Variants in CBLC observed in about 807,000 individuals in gnomAD.
CBLC encodes the protein E3 ubiquitin-protein ligase CBL-C.
CBLC carries 46 observed loss-of-function variants against 58.6 expected under a neutral mutation model. The ratio of observed to expected loss-of-function variants is 0.79; its 90% CI spans 0.62 to 1.00. The LOEUF is 1.00. Among genes scored for constraint, CBLC ranks in the 50% least tolerant of loss-of-function variants. The pLI is 0.00. For synonymous variants in CBLC, 271 were observed against 264.2 expected (o/e 1.03, Z -0.25); for missense variants, 655 against 625.8 (o/e 1.05, Z -0.50).
At chr19:44,793,297 C>T (rs1016046166) in intron 7 of CBLC, among the ~76,000 whole-genome samples, 177 bp from the exon 8 acceptor site, 4 of 152,166 alleles carry the variant, frequency 2.6e-5, no homozygotes, top group African/African-American at 9.7e-5. Flanking sequence ...CTCTCACCTT[C>T]CCTCCCAGCA....
At chr19:44,779,020 C>G (rs572055151) in intron 1 of CBLC, among the ~76,000 whole-genome samples, 4 of 152,358 alleles carry the variant, frequency 2.6e-5, no homozygotes, top group African/African-American at 9.6e-5. Context: ...TTTCCTTGGT[C>G]ACCCAGCAGC....
In CBLC at chr19:44,781,499, GGACT is replaced by G. The variant is rs941980080; in HGVS notation, c.657+137_657+140del. On this transcript the variant is annotated intron_variant, in intron 3 of 10. Coordinates refer to ENST00000647358, the MANE Select transcript of CBLC (RefSeq NM_012116.4). ...TCTGAGGGAGGAGGGGCCGGGGCCT[GGACT>G]CCTGGGTCTGAGGGAGGAGGGGGCT... 308 of 855,352 alleles carry G rather than the reference GGACT, an allele frequency of 3.6e-4. 1 individual carries two copies. The highest frequency in any genetic ancestry group is 5.1e-4 in the Non-Finnish European group (290 of 564,082). The allele number at this position is 855,352 out of a possible 1,614,324, so 53.0% of individuals were successfully genotyped here. A position where few individuals can be genotyped will look rare whatever the true frequency, so the allele number is the denominator to read the frequency against.
At chr19:44,780,455 G>A (rs950114294) in intron 1 of CBLC, among the ~76,000 whole-genome samples, 9 of 143,830 alleles carry the variant, frequency 6.3e-5, no homozygotes, top group Admixed American at 1.4e-4. Context: ...TAAAAGCCAT[G>A]TATATCGTTT....
rs767195128 is a variant in CBLC at position 44,778,005 on chromosome 19, T to C, written c.74T>C (p.Leu25Pro). The C allele has an allele frequency of 1.2e-6, 2 of 1,609,088 alleles. No homozygotes were observed. Among genetic ancestry groups the C allele is most frequent in the South Asian group, 2.2e-5 (2 of 91,038 alleles). Reference sequence around the variant, plus strand: ...GCCCTGGGCCGGGCAGTCAGGATGCTGCAGCGCCTAGAAGAGCAATGCGTC... The same window carrying C: ...GCCCTGGGCCGGGCAGTCAGGATGCCGCAGCGCCTAGAAGAGCAATGCGTC... ...ARALGRAVRM[L>P]QRLEEQCVDP... Residue 25 changes from leucine to proline, a missense_variant, in exon 1 of 11, where the codon CTG becomes CCG. Around this residue, in one of 3 missense-constraint regions of CBLC, gnomAD observed 280 missense variants for 237.2 expected, o/e 1.18. Coordinates refer to ENST00000647358, the MANE Select transcript of CBLC (RefSeq NM_012116.4).
At chr19:44,796,643 C>A (rs2122509483) in intron 9 of CBLC, among the ~76,000 whole-genome samples, 1 of 152,162 alleles carries the variant, frequency 6.6e-6, no homozygotes, top group East Asian at 1.9e-4. Flanking sequence ...CCTCGGCCTC[C>A]CAAAGTGCTG....
At position 44,794,283 on chromosome 19, in the gene CBLC, T is replaced by C. The variant is rs757152687; in HGVS notation, c.1362+2T>C. On this transcript the variant is annotated splice_donor_variant, in intron 9 of 10. Transcript: ENST00000647358. LOFTEE classifies it high-confidence loss of function. ...CCCAGAAATGCCCAGCCGAAAGTGG[T>C]GAGTCAGGCGCTGGTCTGAGGTTGG... 2.5e-6 allele frequency: 4 copies of C among 1,612,446 alleles called. No individual in the cohort carries two copies. Among genetic ancestry groups the C allele is most frequent in the Non-Finnish European group, 3.4e-6 (4 of 1,179,428 alleles).
rs1568554186 is a variant in CBLC, at chr19:44,778,247, G to A, written c.316G>A (p.Ala106Thr). ...ALLPPRGRRS[A>T]NDELFRAGSR... ...GCTGCCTCCCCGGGGCCGAAGGAGTGCCAACGACGAGCTCTTCCGGGCGGG... is the reference window on the plus strand; with the variant it reads ...GCTGCCTCCCCGGGGCCGAAGGAGTACCAACGACGAGCTCTTCCGGGCGGG... The change falls in exon 1 of 11, where the codon GCC (alanine) becomes ACC (threonine). Residue 106 changes from alanine to threonine, a missense_variant. Transcript: ENST00000647358. 2.8e-6 allele frequency: 4 copies of A among 1,451,706 alleles called. No homozygotes were observed. The highest frequency in any genetic ancestry group is 2.7e-6 in the Non-Finnish European group (3 of 1,103,948). 89.9% of individuals were successfully genotyped at this position (1,451,706 alleles called of 1,614,324 possible).
intron 3 of CBLC, among the ~76,000 whole-genome samples, chr19:44,781,580 T>C (rs1192912277): frequency 1.2e-5 from 1 of 81,784 alleles, no homozygotes; most frequent in African/African-American, 5.1e-5. Flanking sequence ...CCTGGACTCC[T>C]GGGTCTGAGG....
chr19:44,794,745 G>A (rs1156542167), intron 9 of CBLC, among the ~76,000 whole-genome samples: 1 of 151,952 alleles, frequency 6.6e-6, no homozygotes, highest in Admixed American at 6.6e-5. Flanking sequence ...TTACAGGAGT[G>A]AGCCACTGCG....
intron 9 of CBLC, among the ~76,000 whole-genome samples, chr19:44,794,747 G>A (rs186721844): frequency 8.7e-4 from 132 of 152,076 alleles, no homozygotes; most frequent in African/African-American, 2.8e-3. Context: ...ACAGGAGTGA[G>A]CCACTGCGCC....
At position 44,792,471 on chromosome 19, in the gene CBLC, C is replaced by A; in HGVS notation, c.1094C>A (p.Pro365Gln). The stretch of plus-strand genomic sequence containing the variant: ...AGCAACAAGGATGTGAAGATTGAGC[C>A]GTGCGGGCACCTGCTCTGCAGCTGC... ...AESNKDVKIE[P>Q]CGHLLCSCCL... The change falls in exon 7 of 11, where the codon CCG (proline) becomes CAG (glutamine). Residue 365 changes from proline to glutamine, a missense_variant. Coordinates refer to ENST00000647358, the MANE Select transcript of CBLC (RefSeq NM_012116.4). 6.2e-7 allele frequency: 1 copy of A among 1,611,320 alleles called. No homozygotes were observed. Among genetic ancestry groups the A allele is most frequent in the African/African-American group, 1.3e-5 (1 of 74,940 alleles).
intron 6 of CBLC, among the ~76,000 whole-genome samples, chr19:44,791,409 A>G (rs1412539171): frequency 6.6e-6 from 1 of 152,052 alleles, no homozygotes; most frequent in Non-Finnish European, 1.5e-5. Flanking sequence ...CTGGGTGTAG[A>G]CAACTGGGGA....
chr19:44,782,629 G>A (rs1967781066), intron 4 of CBLC, 138 bp downstream of exon 4: 4 of 672,304 alleles, frequency 5.9e-6, no homozygotes, highest in Admixed American at 2.8e-5. Flanking sequence ...TGATAACTCA[G>A]AGGCAGGACA....
intron 7 of CBLC, 110 bp downstream of exon 7, chr19:44,792,624 A>T: frequency 8.5e-7 from 1 of 1,177,458 alleles, no homozygotes; most frequent in Non-Finnish European, 1.1e-6. Context: ...CGAAGGCCAG[A>T]GAGGGCAAAG....
intron 1 of CBLC, among the ~76,000 whole-genome samples, chr19:44,779,881 A>G (rs1241366444): frequency 6.6e-6 from 1 of 152,028 alleles, no homozygotes; most frequent in Non-Finnish European, 1.5e-5. Flanking sequence ...TCCTGAGAGG[A>G]CATGCAGAGG....
At chr19:44,796,542 G>A (rs1304280085) in intron 9 of CBLC, among the ~76,000 whole-genome samples, 4 of 151,950 alleles carry the variant, frequency 2.6e-5, no homozygotes, top group Non-Finnish European at 4.4e-5. Context: ...GTGCCACCAC[G>A]CCTGGCAAAT....
At chr19:44,793,221 G>A (rs1968098172) in intron 7 of CBLC, among the ~76,000 whole-genome samples, 1 of 152,170 alleles carries the variant, frequency 6.6e-6, no homozygotes, top group Admixed American at 6.5e-5. Context: ...GGAAGCTGTG[G>A]CCACAGCTCC....
At chr19:44,791,007 G>C (rs193053237) in intron 6 of CBLC, among the ~76,000 whole-genome samples, 236 of 152,038 alleles carry the variant, frequency 1.6e-3, no homozygotes, top group Admixed American at 3.7e-3. Flanking sequence ...TGAGGCACTT[G>C]AGTTGGGAGG....
chr19:44,799,791 AAAG>A lies in CBLC; in HGVS notation c.1363-587_1363-585del, dbSNP rs200549252. Among the ~76,000 whole-genome samples the A allele has an allele frequency of 4.3e-3, 648 of 150,104 alleles. 7 individuals are homozygous for A. Among genetic ancestry groups the A allele is most frequent in the African/African-American group, 0.015 (603 of 39,970 alleles). On this transcript the variant is annotated intron_variant, in intron 9 of 10. Coordinates refer to ENST00000647358, the MANE Select transcript of CBLC (RefSeq NM_012116.4). ...AGAAAGGGAGGGAGGGAAAGAGAAA[AAAG>A]AAAGAAGGAAGGAAGGAGAGAGCGA...
Sources: gnomAD v4.1 joint callset for allele counts (sites outside exome capture counted in the v4.1 genomes callset) on GRCh38, gnomAD v4.1.1 for gene constraint, gnomAD v4.1.1 regional missense constraint, MANE v1.5 for transcripts, NCBI Gene and HGNC (gene_info 2026-07-23, HGNC 2026-07-21) for gene names.